TXNRD1: variants seen among roughly 807,000 people sequenced by gnomAD.
TXNRD1 encodes thioredoxin reductase 1, cytoplasmic.
TXNRD1 carries 57 observed loss-of-function variants against 80.3 expected under a neutral mutation model. That is an observed-to-expected ratio of 0.71 (90% CI 0.57 to 0.89). The LOEUF (loss-of-function observed/expected upper bound fraction) is 0.89, where lower values mean the gene tolerates loss of function less well. TXNRD1 is among the 40% of genes least tolerant of loss of function. The pLI, the probability that TXNRD1 is intolerant of heterozygous loss-of-function variation, is 0.00. For synonymous variants in TXNRD1, 291 were observed against 285.2 expected (o/e 1.02, Z -0.20); for missense variants, 730 against 803.0 (o/e 0.91, Z 1.10).
intron 3 of TXNRD1, among the ~76,000 whole-genome samples, chr12:104,268,239 C>T (rs777189543): frequency 1.5e-4 from 22 of 150,062 alleles, no homozygotes; most frequent in Non-Finnish European, 3.1e-4. Flanking sequence ...TGGCTGGGTG[C>T]GGTGGCTCAC....
At chr12:104,321,441 T>C (rs1194094937) in intron 10 of TXNRD1, 125 bp downstream of exon 10, 8 of 704,912 alleles carry the variant, frequency 1.1e-5, no homozygotes, top group East Asian at 5.4e-5. Flanking sequence ...ATTCCCCTAC[T>C]GTTGTATACT....
At chr12:104,304,657 C>G in intron 4 of TXNRD1, 2 of 1,613,884 alleles carry the variant, frequency 1.2e-6, no homozygotes, top group Non-Finnish European at 1.7e-6. Context: ...CTCCTGTGTC[C>G]TATTTTGAGT....
At chr12:104,310,083 A>G (rs1237565368) in intron 4 of TXNRD1, 1 of 1,530,068 alleles carries the variant, frequency 6.5e-7, no homozygotes, top group East Asian at 2.5e-5. Context: ...CAAGAGAGAA[A>G]TGTGCAGTTT....
At chr12:104,334,372 G>C (rs981384912) in intron 15 of TXNRD1, 40 bp downstream of exon 15, 43 of 1,274,126 alleles carry the variant, frequency 3.4e-5, no homozygotes, top group Admixed American at 1.3e-4. Context: ...ATTTTATTTA[G>C]TTGTTGTTTT....
chr12:104,215,843 CAA>C lies in TXNRD1; in HGVS notation c.42_43del (p.Thr15GlyfsTer14). The C allele has an allele frequency of 6.4e-7, 1 of 1,561,050 alleles. No homozygotes were observed. The highest frequency in any genetic ancestry group is 8.7e-7 in the Non-Finnish European group (1 of 1,153,870). Reference sequence around the variant, plus strand: ...GGCAAGGCAGTGGCGGCGGCCGCCCCAACGGAGCTGCAGACGAAAGGCAAGAA... The same window carrying C: ...GGCAAGGCAGTGGCGGCGGCCGCCCCCGGAGCTGCAGACGAAAGGCAAGAA... On this transcript the variant is annotated frameshift_variant, in exon 1 of 17. Transcript: ENST00000525566. LOFTEE classifies it high-confidence loss of function.
At chr12:104,336,941 A>G (rs2036159606) in intron 15 of TXNRD1, among the ~76,000 whole-genome samples, 1 of 152,132 alleles carries the variant, frequency 6.6e-6, no homozygotes, top group African/African-American at 2.4e-5. Context: ...ATTAACTATT[A>G]TCTTATGCCT....
chr12:104,339,941 C>G (rs1006121519), intron 16 of TXNRD1, among the ~76,000 whole-genome samples: 10 of 152,236 alleles, frequency 6.6e-5, no homozygotes, highest in Admixed American at 5.2e-4. Context: ...ATTGCACTTG[C>G]AAACACGCAC....
intron 16 of TXNRD1, 73 bp from the exon 17 acceptor site, chr12:104,348,280 A>G: frequency 4.2e-6 from 6 of 1,414,578 alleles, no homozygotes; most frequent in South Asian, 1.2e-5. Context: ...TGCATATGGC[A>G]TTATCTGAAC....
chr12:104,265,266 A>G, intron 3 of TXNRD1: 2 of 1,526,856 alleles, frequency 1.3e-6, no homozygotes, highest in African/African-American at 1.4e-5. Flanking sequence ...AAAAAAAAAA[A>G]AAACTTCCTT....
intron 3 of TXNRD1, among the ~76,000 whole-genome samples, chr12:104,268,195 TTTTTTA>T (rs1302188085): frequency 6.6e-6 from 1 of 150,898 alleles, no homozygotes; most frequent in Non-Finnish European, 1.5e-5. Flanking sequence ...CTTTCTTTTA[TTTTTTA>T]TTTTTATTTT....
intron 6 of TXNRD1, 65 bp downstream of exon 6, chr12:104,313,382 C>T (rs1256419397): frequency 8.1e-7 from 1 of 1,232,988 alleles, no homozygotes. Context: ...AATAATCTAA[C>T]TGGTTCCTAA....
At chr12:104,224,841 C>G (rs1300670679) in intron 1 of TXNRD1, 1 of 456,548 alleles carries the variant, frequency 2.2e-6, no homozygotes, top group Non-Finnish European at 4.4e-6. Flanking sequence ...TTGGAAACTT[C>G]TTTTATCTAC....
chr12:104,242,033 G>A lies in TXNRD1; in HGVS notation c.92-9494G>A, dbSNP rs529933115. Among the ~76,000 whole-genome samples the A allele has an allele frequency of 4.2e-3, 545 of 130,540 alleles. 2 individuals are homozygous for A. Among genetic ancestry groups the A allele is most frequent in the Non-Finnish European group, 7.0e-3 (450 of 64,674 alleles). The allele number at this position is 130,540 out of a possible 152,430, so 85.6% of individuals were successfully genotyped here. ...GCTCACTGCAACCTCCACCTCCCTGGTTCAAGCAATTTCCCTGCCTCAGCC... is the reference window on the plus strand; with the variant it reads ...GCTCACTGCAACCTCCACCTCCCTGATTCAAGCAATTTCCCTGCCTCAGCC... On this transcript the variant is annotated intron_variant, in intron 1 of 16. Transcript: ENST00000525566.
intron 1 of TXNRD1, among the ~76,000 whole-genome samples, chr12:104,231,193 C>T (rs757325013): frequency 1.8e-4 from 27 of 152,272 alleles, no homozygotes; most frequent in Admixed American, 4.6e-4. Context: ...ATTAATAACT[C>T]CTATAACATT....
At chr12:104,306,474 A>G (rs2034920503) in intron 4 of TXNRD1, among the ~76,000 whole-genome samples, 1 of 152,188 alleles carries the variant, frequency 6.6e-6, no homozygotes, top group Non-Finnish European at 1.5e-5. Context: ...ATTAAACAAT[A>G]CTTTGGCAAA....
rs2036488592 is a variant in TXNRD1 at position 104,346,265 on chromosome 12, G to C, written c.1882-2088G>C. On this transcript the variant is annotated intron_variant, in intron 16 of 16. Transcript: ENST00000525566. Reference sequence around the variant, plus strand: ...TGGGCTCAAGCAATCCTCCCGCCTTGGCTTCCCAAAGTGCTGGGATTGCAG... The same window carrying C: ...TGGGCTCAAGCAATCCTCCCGCCTTCGCTTCCCAAAGTGCTGGGATTGCAG... The C allele has an allele frequency of 1.6e-5, 3 of 188,028 alleles. No homozygotes were observed. In the South Asian group the frequency reaches 2.9e-4, roughly 18 times the overall value. 11.6% of individuals were successfully genotyped at this position (188,028 alleles called of 1,614,324 possible). A position where few individuals can be genotyped will look rare whatever the true frequency, so the allele number is the denominator to read the frequency against.
intron 3 of TXNRD1, among the ~76,000 whole-genome samples, chr12:104,271,113 AC>A (rs1473795700): frequency 7.9e-5 from 12 of 151,330 alleles, no homozygotes; most frequent in Admixed American, 5.9e-4. Flanking sequence ...TGTTTATTTC[AC>A]CTGGGTGCAG....
intron 3 of TXNRD1, among the ~76,000 whole-genome samples, chr12:104,285,314 G>GCC (rs1413673114): frequency 1.3e-5 from 2 of 152,170 alleles, no homozygotes; most frequent in Admixed American, 6.6e-5. Context: ...CAAGGGTAAG[G>GCC]CATCTGGGCT....
Position 104,348,625 on chromosome 12 carries a change from C to A in TXNRD1, c.*204C>A. On this transcript the variant is annotated 3_prime_UTR_variant, in exon 17 of 17. Transcript: ENST00000525566. The stretch of plus-strand genomic sequence containing the variant: ...GCATCACACTGGGGTCACTGACAGA[C>A]TTGAAGCTGACATTTGGCAGGGCAT... 1 of 554,434 alleles carries A rather than the reference C, an allele frequency of 1.8e-6. No homozygotes were observed. The highest frequency in any genetic ancestry group is 3.2e-6 in the Non-Finnish European group (1 of 312,156). The allele number at this position is 554,434 out of a possible 1,614,324, so 34.3% of individuals were successfully genotyped here.
Sources: allele counts gnomAD v4.1 joint callset (sites outside exome capture counted in the v4.1 genomes callset), GRCh38; gene constraint gnomAD v4.1.1; transcripts MANE v1.5; gene names NCBI Gene and HGNC (gene_info 2026-07-23, HGNC 2026-07-21).